BCAS1: variants seen among roughly 807,000 people sequenced by gnomAD.
The protein encoded by BCAS1 is breast carcinoma-amplified sequence 1.
A neutral mutation model predicts 65.4 loss-of-function variants in BCAS1; 46 were observed. The observed-to-expected ratio is 0.70, with a 90% CI of 0.55 to 0.90. The LOEUF (loss-of-function observed/expected upper bound fraction) is 0.90, where lower values mean the gene tolerates loss of function less well. BCAS1 is among the 40% of genes least tolerant of loss of function. The pLI is 0.00. For missense variants in BCAS1, 793 were observed against 771.2 expected, an observed-to-expected ratio of 1.03 and a Z score of -0.33; for synonymous variants, 298 against 293.5, an observed-to-expected ratio of 1.02 and a Z score of -0.16.
chr20:54,053,339 TCTTA>T (rs1011408200), intron 3 of BCAS1, among the ~76,000 whole-genome samples: 1 of 152,188 alleles, frequency 6.6e-6, no homozygotes, highest in African/African-American at 2.4e-5. Flanking sequence ...GGTGGTTTGC[TCTTA>T]CTAAGAAAAA....
Position 54,032,379 on chromosome 20 carries a change from G to A in BCAS1, c.143-3407C>T, listed in dbSNP as rs560448532. ...ACCAGACACTACAAAACACACTGAAGTACACAGACCAGTGACATTGTAAAG... is the reference window on the plus strand; with the variant it reads ...ACCAGACACTACAAAACACACTGAAATACACAGACCAGTGACATTGTAAAG... On this transcript the variant is annotated intron_variant, in intron 3 of 12. Coordinates refer to ENST00000688948, the MANE Select transcript of BCAS1 (RefSeq NM_001366298.2). Among the ~76,000 whole-genome samples, 32 of 151,408 alleles carry A rather than the reference G, an allele frequency of 2.1e-4. 3 individuals are homozygous for A. Among genetic ancestry groups the A allele is most frequent in the South Asian group, 6.3e-4 (3 of 4,796 alleles).
At chr20:53,977,577 C>T (rs1027105970) in intron 8 of BCAS1, among the ~76,000 whole-genome samples, 14 of 152,138 alleles carry the variant, frequency 9.2e-5, no homozygotes, top group African/African-American at 3.4e-4. Context: ...TCTGGTTGTT[C>T]ATTGCTCACT....
At chr20:53,986,619 G>T (rs932192477) in intron 7 of BCAS1, among the ~76,000 whole-genome samples, 1 of 152,138 alleles carries the variant, frequency 6.6e-6, no homozygotes, top group Non-Finnish European at 1.5e-5. Flanking sequence ...GGTATGGGCC[G>T]GGTGTGGTGG....
In BCAS1 at chr20:54,069,328, C is replaced by T. The variant is rs569813182; in HGVS notation, c.-6+1105G>A. Reference sequence around the variant, plus strand: ...ATGAAATTTGTGAAAATCAAAATTACCGCTGTTCCTGATCTTATCTTTCTG... The same window carrying T: ...ATGAAATTTGTGAAAATCAAAATTATCGCTGTTCCTGATCTTATCTTTCTG... On this transcript the variant is annotated intron_variant, in intron 1 of 12. Transcript: ENST00000688948. Among the ~76,000 whole-genome samples the T allele has an allele frequency of 2.5e-3, 377 of 152,336 alleles. 2 individuals carry two copies. Among genetic ancestry groups the T allele is most frequent in the African/African-American group, 8.7e-3 (363 of 41,590 alleles).
At chr20:54,066,340 G>A (rs1373830808) in intron 1 of BCAS1, among the ~76,000 whole-genome samples, 3 of 152,204 alleles carry the variant, frequency 2.0e-5, no homozygotes, top group Non-Finnish European at 4.4e-5. Context: ...CCAAAGTGCT[G>A]GGATTACAGG....
intron 3 of BCAS1, among the ~76,000 whole-genome samples, chr20:54,046,902 A>G (rs190831748): frequency 2.0e-5 from 3 of 151,834 alleles, no homozygotes; most frequent in Admixed American, 6.6e-5. Context: ...TTTCTGCTCT[A>G]TGATGTCTGG....
At chr20:54,003,226 C>CAAAAA (rs36065746) in intron 4 of BCAS1, among the ~76,000 whole-genome samples, 104 of 98,502 alleles carry the variant, frequency 1.1e-3, no homozygotes, top group East Asian at 1.7e-3. Context: ...GCCAAACAGA[C>CAAAAA]AAAAAAAAAA....
chr20:54,036,605 A>C (rs1281218342), intron 3 of BCAS1, among the ~76,000 whole-genome samples: 1 of 151,306 alleles, frequency 6.6e-6, no homozygotes, highest in Non-Finnish European at 1.5e-5. Context: ...TTTTCTTACA[A>C]ATTGGCATGA....
At chr20:54,001,298 G>T (rs768327732) in intron 4 of BCAS1, among the ~76,000 whole-genome samples, 1 of 152,062 alleles carries the variant, frequency 6.6e-6, no homozygotes, top group Non-Finnish European at 1.5e-5. Context: ...CACTAACTTC[G>T]GGAGGAATTT....
chr20:54,021,970 C>T (rs2091569484), intron 4 of BCAS1, among the ~76,000 whole-genome samples: 1 of 152,180 alleles, frequency 6.6e-6, no homozygotes, highest in Non-Finnish European at 1.5e-5. Context: ...AAAGTGAACA[C>T]AGGCCATTGG....
chr20:53,979,530 T>C (rs1382611805), intron 8 of BCAS1, among the ~76,000 whole-genome samples: 1 of 152,228 alleles, frequency 6.6e-6, no homozygotes, highest in Non-Finnish European at 1.5e-5. Context: ...TTCTGCCTGC[T>C]GCCTTGCAAG....
intron 6 of BCAS1, 149 bp from the exon 7 acceptor site, chr20:53,992,795 G>T: frequency 3.0e-6 from 2 of 676,552 alleles, no homozygotes; most frequent in South Asian, 3.9e-5. Flanking sequence ...CCCTGTAAAT[G>T]TTTATCTTTT....
chr20:54,027,008 T>A (rs1007479091), intron 4 of BCAS1, among the ~76,000 whole-genome samples: 3 of 151,692 alleles, frequency 2.0e-5, no homozygotes, highest in African/African-American at 7.3e-5. Flanking sequence ...CCTAGTACAG[T>A]GTCACACTCA....
intron 4 of BCAS1, among the ~76,000 whole-genome samples, chr20:54,010,666 C>T (rs1399116289): frequency 6.6e-6 from 1 of 152,116 alleles, no homozygotes; most frequent in Non-Finnish European, 1.5e-5. Context: ...CAATCTGCCC[C>T]AAATTGATAT....
At chr20:54,042,460 A>G (rs1453674271) in intron 3 of BCAS1, among the ~76,000 whole-genome samples, 1 of 152,222 alleles carries the variant, frequency 6.6e-6, no homozygotes, top group East Asian at 1.9e-4. Context: ...AAAATTCCCC[A>G]AGGAATTTTA....
intron 1 of BCAS1, among the ~76,000 whole-genome samples, chr20:54,066,402 C>T (rs2092444655): frequency 6.6e-6 from 1 of 152,160 alleles, no homozygotes; most frequent in Non-Finnish European, 1.5e-5. Flanking sequence ...CCCCATTTTA[C>T]AGATGCAGAA....
chr20:54,018,553 G>T (rs1221033606), intron 4 of BCAS1, among the ~76,000 whole-genome samples: 1 of 152,072 alleles, frequency 6.6e-6, no homozygotes, highest in Non-Finnish European at 1.5e-5. Context: ...AGCCAGGATG[G>T]TCTCGATCTC....
At chr20:54,010,318 A>C (rs1003748593) in intron 4 of BCAS1, among the ~76,000 whole-genome samples, 17 of 152,172 alleles carry the variant, frequency 1.1e-4, no homozygotes, top group Admixed American at 4.6e-4. Context: ...AAAATTAGAC[A>C]ATTTCATTAT....
chr20:54,034,264 T>C (rs1027549560), intron 3 of BCAS1, among the ~76,000 whole-genome samples: 5 of 151,264 alleles, frequency 3.3e-5, no homozygotes, highest in African/African-American at 1.2e-4. Flanking sequence ...TTCAACATAG[T>C]ATTGGAAGTC....
Sources: gnomAD v4.1 joint callset for allele counts (sites outside exome capture counted in the v4.1 genomes callset) on GRCh38, gnomAD v4.1.1 for gene constraint, MANE v1.5 for transcripts, NCBI Gene and HGNC (gene_info 2026-07-23, HGNC 2026-07-21) for gene names.